The following SDK1 variants were observed in gnomAD, a reference collection of about 807,000 sequenced individuals.
SDK1 encodes sidekick cell adhesion molecule 1.
Under a neutral mutation model 245.5 loss-of-function variants are expected in SDK1, and 157 were observed. The observed-to-expected ratio is 0.64, with a 90% CI of 0.56 to 0.73. SDK1 has a LOEUF of 0.73. SDK1 is among the 30% of genes least tolerant of loss of function. The pLI, the probability that SDK1 is intolerant of heterozygous loss-of-function variation, is 0.00. For synonymous variants in SDK1, 1,647 were observed against 1,278.5 expected, an observed-to-expected ratio of 1.29 and a Z score of -6.15; for missense variants, 3,583 against 3,002.3, an observed-to-expected ratio of 1.19 and a Z score of -4.52.
chr7:4,059,009 A>G (rs1238699851), intron 19 of SDK1, among the ~76,000 whole-genome samples: 1 of 152,250 alleles, frequency 6.6e-6, no homozygotes, highest in Non-Finnish European at 1.5e-5. Flanking sequence ...AAACAATGAG[A>G]GAGAAAGAAG....
intron 20 of SDK1, among the ~76,000 whole-genome samples, chr7:4,068,432 T>G (rs1780037317): frequency 6.6e-6 from 1 of 152,114 alleles, no homozygotes; most frequent in African/African-American, 2.4e-5. Flanking sequence ...GTGGTGTGAC[T>G]ATGAGGCTTA....
At chr7:3,452,956 C>T (rs1780560874) in intron 1 of SDK1, among the ~76,000 whole-genome samples, 1 of 152,112 alleles carries the variant, frequency 6.6e-6, no homozygotes, top group Non-Finnish European at 1.5e-5. Context: ...CCTATTCCAC[C>T]TGATTCATCC....
intron 5 of SDK1, among the ~76,000 whole-genome samples, chr7:3,884,326 C>T (rs985049905): frequency 7.2e-5 from 11 of 152,020 alleles, no homozygotes; most frequent in African/African-American, 2.4e-4. Context: ...GGGCCTCTTG[C>T]GTTTGAAAGC....
intron 4 of SDK1, among the ~76,000 whole-genome samples, chr7:3,660,255 G>T (rs922861386): frequency 5.9e-5 from 9 of 151,794 alleles, no homozygotes; most frequent in Non-Finnish European, 1.0e-4. Flanking sequence ...ATATGGAAAG[G>T]GACAGCCAGA....
At chr7:3,325,506 A>C (rs974916204) in intron 1 of SDK1, among the ~76,000 whole-genome samples, 8 of 152,168 alleles carry the variant, frequency 5.3e-5, no homozygotes, top group African/African-American at 1.2e-4. Context: ...TTTTTATTAT[A>C]ATAAGCATGT....
chr7:3,844,637 T>A (rs183846376), intron 5 of SDK1, among the ~76,000 whole-genome samples: 4 of 152,276 alleles, frequency 2.6e-5, no homozygotes, highest in African/African-American at 7.2e-5. Context: ...AACTATAATT[T>A]CAACAAGGAA....
At chr7:3,366,916 A>G (rs1423038804) in intron 1 of SDK1, among the ~76,000 whole-genome samples, 2 of 151,726 alleles carry the variant, frequency 1.3e-5, no homozygotes, top group African/African-American at 2.4e-5. Flanking sequence ...TAATTTTTGT[A>G]TTTTTAGTAG....
intron 5 of SDK1, among the ~76,000 whole-genome samples, chr7:3,898,638 G>A (rs1343452249): frequency 6.6e-6 from 1 of 152,084 alleles, no homozygotes; most frequent in Non-Finnish European, 1.5e-5. Flanking sequence ...AGCATCTCAG[G>A]AATTCTCACT....
At chr7:3,400,570 C>G (rs560853637) in intron 1 of SDK1, among the ~76,000 whole-genome samples, 6 of 151,966 alleles carry the variant, frequency 3.9e-5, no homozygotes, top group Non-Finnish European at 8.8e-5. Context: ...TTGTATTACA[C>G]AAAAATAGAT....
chr7:3,797,025 G>C (rs1296288984), intron 4 of SDK1, among the ~76,000 whole-genome samples: 2 of 147,570 alleles, frequency 1.4e-5, no homozygotes, highest in African/African-American at 2.5e-5. Context: ...TTTCTTTAGA[G>C]ACAGGGTCTT....
At chr7:4,133,940 T>C (rs1322675799) in intron 28 of SDK1, among the ~76,000 whole-genome samples, 1 of 152,242 alleles carries the variant, frequency 6.6e-6, no homozygotes, top group East Asian at 1.9e-4. Flanking sequence ...CTTAGGATTC[T>C]AAGACTTGGT....
chr7:3,597,887 G>C (rs6951470), intron 1 of SDK1, among the ~76,000 whole-genome samples: 6,520 of 152,236 alleles, frequency 0.043, 394 homozygotes, highest in African/African-American at 0.14. Flanking sequence ...ATAAATAACA[G>C]TACTTTGACC....
At chr7:3,418,145 GAAAAAAAAAA>G (rs200914826) in intron 1 of SDK1, among the ~76,000 whole-genome samples, 49,275 of 120,008 alleles carry the variant, frequency 0.41, 9,871 homozygotes, top group East Asian at 0.53. Flanking sequence ...TACTAAAAAT[GAAAAAAAAAA>G]AAAAAAAAAA....
chr7:4,228,634 G>A (rs923802848), intron 40 of SDK1, among the ~76,000 whole-genome samples: 8 of 152,128 alleles, frequency 5.3e-5, no homozygotes, highest in Non-Finnish European at 8.8e-5. Context: ...TCACCTCCCG[G>A]GATCAAGCGA....
At chr7:3,479,415 G>A (rs7780621) in intron 1 of SDK1, among the ~76,000 whole-genome samples, 1 of 124,270 alleles carries the variant, frequency 8.0e-6, no homozygotes, top group African/African-American at 3.2e-5. Flanking sequence ...GGGTGAGACT[G>A]TGTCTCAAAA....
intron 1 of SDK1, among the ~76,000 whole-genome samples, chr7:3,418,627 C>G (rs1397243501): frequency 6.6e-6 from 1 of 152,164 alleles, no homozygotes; most frequent in African/African-American, 2.4e-5. Flanking sequence ...GGAAATCTTC[C>G]TATAATGGAA....
At chr7:3,637,768 T>C (rs1354961230) in intron 2 of SDK1, among the ~76,000 whole-genome samples, 2 of 152,232 alleles carry the variant, frequency 1.3e-5, no homozygotes, top group African/African-American at 4.8e-5. Context: ...TTTTAACCTC[T>C]GAAAAAGTTT....
intron 5 of SDK1, among the ~76,000 whole-genome samples, chr7:3,920,099 C>A (rs1779534371): frequency 6.6e-6 from 1 of 152,152 alleles, no homozygotes; most frequent in Admixed American, 6.5e-5. Context: ...ACTGAGACAG[C>A]TCAGGAATGG....
intron 1 of SDK1, among the ~76,000 whole-genome samples, chr7:3,327,303 A>G (rs1447802890): frequency 6.6e-6 from 1 of 152,178 alleles, no homozygotes; most frequent in African/African-American, 2.4e-5. Context: ...AGCTATCTGC[A>G]GATTTGTCAT....
Sources: gnomAD v4.1 joint callset for allele counts (sites outside exome capture counted in the v4.1 genomes callset) on GRCh38, gnomAD v4.1.1 for gene constraint, MANE v1.5 for transcripts, NCBI Gene and HGNC (gene_info 2026-07-23, HGNC 2026-07-21) for gene names.